Variants in FALEC observed in about 807,000 individuals in gnomAD.
The protein encoded by FALEC is focally amplified lncRNA on chromosome 1.
the FALEC span, among the ~76,000 whole-genome samples, chr1:150,536,684 G>A: frequency 6.6e-6 from 1 of 152,154 alleles, no homozygotes; most frequent in Non-Finnish European, 1.5e-5. Context: ...AGCTACTCAG[G>A]AGGCTGAGTG....
chr1:150,518,090 T>A (rs587775345), downstream of FALEC: 29 of 152,330 alleles, frequency 1.9e-4, no homozygotes, highest in Admixed American at 9.2e-4. Flanking sequence ...TGGAAAGATG[T>A]GAAGAAGAAA....
chr1:150,526,075 T>C, the FALEC span, among the ~76,000 whole-genome samples: 1 of 152,216 alleles, frequency 6.6e-6, no homozygotes, highest in Admixed American at 6.5e-5. Context: ...TAAAAAGTTT[T>C]TTTTTGGGCA....
the FALEC span, among the ~76,000 whole-genome samples, chr1:150,523,740 G>T: frequency 2.6e-5 from 4 of 151,916 alleles, no homozygotes; most frequent in Non-Finnish European, 5.9e-5. Flanking sequence ...CTGAATAATG[G>T]CCCCAAAGAT....
chr1:150,536,323 G>A, the FALEC span, among the ~76,000 whole-genome samples: 1 of 152,300 alleles, frequency 6.6e-6, no homozygotes, highest in East Asian at 1.9e-4. Flanking sequence ...AATGGAGGTG[G>A]ACACATAAAT....
the FALEC span, among the ~76,000 whole-genome samples, chr1:150,529,038 A>AAAAAAAAAAAAAAAAAAAAAAG: frequency 6.6e-6 from 1 of 150,930 alleles, no homozygotes; most frequent in Non-Finnish European, 1.5e-5. Context: ...AAAAAAAAAA[A>AAAAAAAAAAAAAAAAAAAAAAG]ATCAAAGGAT....
At chr1:150,529,758 C>T in the FALEC span, among the ~76,000 whole-genome samples, 8 of 152,034 alleles carry the variant, frequency 5.3e-5, no homozygotes, top group Non-Finnish European at 8.8e-5. Flanking sequence ...CCACCACGCC[C>T]GGCTAATTTT....
chr1:150,523,317 T>G, the FALEC span, among the ~76,000 whole-genome samples: 11 of 150,802 alleles, frequency 7.3e-5, no homozygotes, highest in Admixed American at 3.3e-4. Context: ...TAATTTCATC[T>G]GTCTCATTTT....
At chr1:150,522,987 T>A (rs1185629124), downstream of FALEC, among the ~76,000 whole-genome samples, 7 of 76,052 alleles carry the variant, frequency 9.2e-5, no homozygotes, top group African/African-American at 3.9e-4. Flanking sequence ...ATATATATTT[T>A]TTTTTTTTTT....
the FALEC span, among the ~76,000 whole-genome samples, chr1:150,534,399 A>G: frequency 6.6e-6 from 1 of 152,206 alleles, no homozygotes; most frequent in Non-Finnish European, 1.5e-5. Flanking sequence ...GGCTGGCCCC[A>G]ACAGGATCGC....
chr1:150,535,005 C>A, the FALEC span, among the ~76,000 whole-genome samples: 1 of 152,252 alleles, frequency 6.6e-6, no homozygotes, highest in South Asian at 2.1e-4. Context: ...TCTGGGTCCA[C>A]GAGCCGGGGA....
chr1:150,520,789 T>C (rs1442378880), downstream of FALEC, among the ~76,000 whole-genome samples: 2 of 123,534 alleles, frequency 1.6e-5, no homozygotes, highest in South Asian at 2.8e-4. Context: ...TTTTCTTTTT[T>C]TTTTTTTTTT....
chr1:150,520,783 C>CTTTTTTTTTTTTTTTTTTTTTTTT (rs71086518), downstream of FALEC, among the ~76,000 whole-genome samples: 46 of 42,824 alleles, frequency 1.1e-3, 6 homozygotes, highest in South Asian at 2.2e-3. Context: ...CTTTTCTTTT[C>CTTTTTTTTTTTTTTTTTTTTTTTT]TTTTTTTTTT....
intron 1 of FALEC, chr1:150,517,676 C>T (rs1374347768): frequency 2.0e-5 from 3 of 152,268 alleles, no homozygotes. Flanking sequence ...TCACCTGAGC[C>T]TGACCATGCT....
chr1:150,529,033 A>AAAAAAAAAAAAAC, the FALEC span, among the ~76,000 whole-genome samples: 1 of 151,170 alleles, frequency 6.6e-6, no homozygotes, highest in Non-Finnish European at 1.5e-5. Context: ...AAAAAAAAAA[A>AAAAAAAAAAAAAC]AAAAAATCAA....
At chr1:150,521,114 G>A (rs1002020751), downstream of FALEC, among the ~76,000 whole-genome samples, 1 of 151,962 alleles carries the variant, frequency 6.6e-6, no homozygotes, top group African/African-American at 2.4e-5. Context: ...TTTTCATATG[G>A]AATTCTATTT....
the FALEC span, among the ~76,000 whole-genome samples, chr1:150,530,839 A>T: frequency 6.6e-6 from 1 of 152,168 alleles, no homozygotes; most frequent in Non-Finnish European, 1.5e-5. Context: ...TTCAAAGCGG[A>T]ACTCCAGAAA....
At chr1:150,521,468 G>C (rs1670642515), downstream of FALEC, among the ~76,000 whole-genome samples, 1 of 152,222 alleles carries the variant, frequency 6.6e-6, no homozygotes. Flanking sequence ...GTTTATAAAT[G>C]AGGTTAAACA....
chr1:150,518,555 T>A (rs1670600797), downstream of FALEC, among the ~76,000 whole-genome samples: 2 of 151,822 alleles, frequency 1.3e-5, no homozygotes, highest in South Asian at 4.2e-4. Context: ...CGGTTCATTT[T>A]GCATTTTTTT....
downstream of FALEC, among the ~76,000 whole-genome samples, chr1:150,518,235 T>G (rs1414206558): frequency 6.6e-6 from 1 of 152,194 alleles, no homozygotes; most frequent in East Asian, 1.9e-4. Context: ...CCTCCAACTA[T>G]TCTTCTTCCC....
Sources: allele counts gnomAD v4.1 joint callset (sites outside exome capture counted in the v4.1 genomes callset), GRCh38; gene constraint gnomAD v4.1.1; transcripts MANE v1.5; gene names NCBI Gene and HGNC (gene_info 2026-07-23, HGNC 2026-07-21).